CCDC125: variants seen among roughly 807,000 people sequenced by gnomAD.
The protein encoded by CCDC125 is coiled-coil domain containing 125.
In CCDC125, 43 loss-of-function variants were observed where a neutral mutation model predicts 57.4. That is an observed-to-expected ratio of 0.75 (90% CI 0.59 to 0.97). CCDC125 has a LOEUF of 0.97. Among genes scored for constraint, CCDC125 ranks in the 50% least tolerant of loss-of-function variants. CCDC125 has a pLI of 0.00. For synonymous variants in CCDC125, 187 were observed against 195.2 expected (o/e 0.96, Z 0.35); for missense variants, 563 against 595.7 (o/e 0.95, Z 0.57).
intron 4 of CCDC125, chr5:69,309,661 C>G (rs1165991980): frequency 6.6e-6 from 1 of 152,434 alleles, no homozygotes; most frequent in African/African-American, 2.4e-5. Flanking sequence ...CACACAGAGT[C>G]CCTACTACAG....
rs1207981824 is a variant in CCDC125 at position 69,320,668 on chromosome 5, G to GT, written c.-40-89dup. The GT allele has an allele frequency of 1.4e-5, 9 of 637,740 alleles. No homozygotes were observed. In the Admixed American group the frequency reaches 2.6e-4, roughly 18 times the overall value. The allele number at this position is 637,740 out of a possible 1,614,324, so 39.5% of individuals were successfully genotyped here. On this transcript the variant is annotated intron_variant, in intron 1 of 11. Coordinates refer to ENST00000396496, the MANE Select transcript of CCDC125 (RefSeq NM_176816.5). Reference sequence around the variant, plus strand: ...TATTTACCCAAAACATTTGAAATCAGTATGTCAAAGAGATGTCTACATTCC... The same window carrying GT: ...TATTTACCCAAAACATTTGAAATCAGTTATGTCAAAGAGATGTCTACATTCC...
At chr5:69,307,109 C>T (rs1361237387) in intron 5 of CCDC125, among the ~76,000 whole-genome samples, 4 of 152,190 alleles carry the variant, frequency 2.6e-5, no homozygotes, top group African/African-American at 9.7e-5. Flanking sequence ...CCAAAACTCA[C>T]TTAATATAGA....
downstream of CCDC125, chr5:69,277,064 A>C: frequency 6.5e-7 from 1 of 1,542,606 alleles, no homozygotes; most frequent in Non-Finnish European, 8.8e-7. Context: ...AACTTTGTTA[A>C]ATGTGAACAA....
chr5:69,307,816 G>C, intron 5 of CCDC125, 135 bp downstream of exon 5: 1 of 655,138 alleles, frequency 1.5e-6, no homozygotes, highest in South Asian at 1.8e-5. Context: ...ACTCCAAAAG[G>C]GAAGACCATC....
chr5:69,308,896 T>A (rs749315932), intron 4 of CCDC125: 91 of 161,956 alleles, frequency 5.6e-4, no homozygotes, highest in Admixed American at 1.3e-3. Context: ...GATGAGGAAC[T>A]TGTTGGGAAC....
rs113356968 is a variant in CCDC125, at chr5:69,312,054, T to C, written c.367-850A>G. On this transcript the variant is annotated intron_variant, in intron 3 of 11. Transcript: ENST00000396496. ...CCAGCCTCAGTTGGCTTTCATGTTG[T>C]TTACATACTGAGGTTGTAGTTCCTT... 1.1e-3 allele frequency among the ~76,000 whole-genome samples: 172 copies of C among 152,258 alleles called. 3 individuals are homozygous for C. The highest frequency in any genetic ancestry group is 4.0e-3 in the African/African-American group (167 of 41,566).
intron 1 of CCDC125, among the ~76,000 whole-genome samples, chr5:69,329,770 T>C (rs1046669202): frequency 4.6e-5 from 7 of 152,304 alleles, no homozygotes; most frequent in African/African-American, 1.7e-4. Context: ...CCCAAAGTGC[T>C]GGGATTACAG....
At chr5:69,289,094 T>G (rs1753987069) in intron 10 of CCDC125, among the ~76,000 whole-genome samples, 1 of 152,248 alleles carries the variant, frequency 6.6e-6, no homozygotes, top group African/African-American at 2.4e-5. Flanking sequence ...CACACAGGGT[T>G]GCAGGCCTTG....
chr5:69,304,064 G>A (rs1416781878), intron 6 of CCDC125, 135 bp from the exon 7 acceptor site: 9 of 540,864 alleles, frequency 1.7e-5, no homozygotes, highest in South Asian at 1.6e-4. Context: ...GAATTTACAC[G>A]TATCACAAAA....
At chr5:69,283,304 C>T (rs1391802672) in intron 11 of CCDC125, among the ~76,000 whole-genome samples, 11 of 150,538 alleles carry the variant, frequency 7.3e-5, no homozygotes, top group Non-Finnish European at 1.5e-4. Context: ...ACTGCAAGCT[C>T]TGCCTCCCAG....
At chr5:69,295,397 T>TA (rs1001188446) in intron 8 of CCDC125, among the ~76,000 whole-genome samples, 1 of 151,910 alleles carries the variant, frequency 6.6e-6, no homozygotes, top group African/African-American at 2.4e-5. Context: ...CTAAAAAAAA[T>TA]AAAAAAATAC....
chr5:69,283,834 G>A (rs1752860315), intron 11 of CCDC125, among the ~76,000 whole-genome samples: 1 of 150,884 alleles, frequency 6.6e-6, no homozygotes, highest in African/African-American at 2.4e-5. Flanking sequence ...CTGTCACCCA[G>A]GTTGGAGTGC....
rs1236577395 is a variant in CCDC125 at position 69,280,995 on chromosome 5, G to C, written c.*1734C>G. On this transcript the variant is annotated 3_prime_UTR_variant, in exon 12 of 12. Transcript: ENST00000396496. Reference sequence around the variant, plus strand: ...TTTTGTATAGATGGGGTTTCACCATGTTGCCCAGGCTGGTCTTGAACTCTG... The same window carrying C: ...TTTTGTATAGATGGGGTTTCACCATCTTGCCCAGGCTGGTCTTGAACTCTG... 1.3e-5 allele frequency: 2 copies of C among 152,230 alleles called. No individual in the cohort carries two copies. Among genetic ancestry groups the C allele is most frequent in the African/African-American group, 4.8e-5 (2 of 41,432 alleles). The allele number at this position is 152,230 out of a possible 1,614,324, so 9.4% of individuals were successfully genotyped here.
intron 2 of CCDC125, among the ~76,000 whole-genome samples, chr5:69,317,483 AGCTACCACG>A (rs1759309139): frequency 2.0e-5 from 3 of 151,088 alleles, no homozygotes; most frequent in African/African-American, 5.0e-5. Flanking sequence ...AGCTACCACG[AGCTACCACG>A]TATTTTTGTA....
intron 1 of CCDC125, among the ~76,000 whole-genome samples, chr5:69,329,499 CTTTT>C (rs535306741): frequency 1.0e-5 from 1 of 95,314 alleles, no homozygotes; most frequent in African/African-American, 3.9e-5. Flanking sequence ...GGATTCAAGT[CTTTT>C]TTTTTTTTTT....
intron 10 of CCDC125, among the ~76,000 whole-genome samples, chr5:69,287,556 C>G (rs1393720789): frequency 6.6e-6 from 1 of 151,752 alleles, no homozygotes; most frequent in East Asian, 1.9e-4. Flanking sequence ...CCACTGCACC[C>G]GGCCATCAGT....
downstream of CCDC125, chr5:69,277,142 C>T (rs1009315224): frequency 6.3e-7 from 1 of 1,593,500 alleles, no homozygotes. Flanking sequence ...TTAAAGAGAA[C>T]ACTGGACAAC....
intron 4 of CCDC125, 125 bp from the exon 5 acceptor site, chr5:69,308,153 T>C: frequency 1.4e-6 from 1 of 705,220 alleles, no homozygotes; most frequent in South Asian, 1.6e-5. Flanking sequence ...AATTTCACAG[T>C]GACCACCTTT....
At chr5:69,321,673 G>C (rs913537615) in intron 1 of CCDC125, among the ~76,000 whole-genome samples, 1 of 152,212 alleles carries the variant, frequency 6.6e-6, no homozygotes, top group African/African-American at 2.4e-5. Context: ...TGTCTATGTG[G>C]TCTGTCATTG....
Sources: allele counts gnomAD v4.1 joint callset (sites outside exome capture counted in the v4.1 genomes callset), GRCh38; gene constraint gnomAD v4.1.1; transcripts MANE v1.5; gene names NCBI Gene and HGNC (gene_info 2026-07-23, HGNC 2026-07-21).